CR1: variants seen among roughly 807,000 people sequenced by gnomAD.
CR1 encodes complement C3b/C4b receptor 1 (Knops blood group), also known as complement receptor type 1.
In CR1, 116 loss-of-function variants were observed where a neutral mutation model predicts 187.3. The observed-to-expected ratio is 0.62, with a 90% CI of 0.53 to 0.72. CR1 has a LOEUF of 0.72. Among genes scored for constraint, CR1 ranks in the 30% least tolerant of loss-of-function variants. The probability of loss-of-function intolerance (pLI) is 0.00; values close to 1 mark genes in which losing one functional copy is unlikely to be tolerated. For missense variants in CR1, 1,731 were observed against 2,110.7 expected (o/e 0.82, Z 3.52); for synonymous variants, 576 against 747.1 (o/e 0.77, Z 3.73).
At chr1:207,524,591 T>C (rs111501453) in intron 5 of CR1, among the ~76,000 whole-genome samples, 5,199 of 152,084 alleles carry the variant, frequency 0.034, 362 homozygotes, top group African/African-American at 0.12. Flanking sequence ...TCTCACCATG[T>C]TGCCCAGGCT....
At chr1:207,511,964 A>G (rs1252816609) in intron 4 of CR1, among the ~76,000 whole-genome samples, 2 of 152,216 alleles carry the variant, frequency 1.3e-5, no homozygotes, top group Non-Finnish European at 2.9e-5. Context: ...CTTGCTTGGC[A>G]AATCAGTAAA....
intron 31 of CR1, 75 bp from the exon 32 acceptor site, chr1:207,581,843 G>A: frequency 2.1e-6 from 2 of 968,306 alleles, no homozygotes; most frequent in East Asian, 2.5e-5. Context: ...AATTCTCAGG[G>A]AGGAGGTTGA....
chr1:207,588,687 GA>G lies in CR1; in HGVS notation c.5724del (p.Pro1909LeufsTer12). Reference sequence around the variant, plus strand: ...CTTCTTCCCCTAGGAAAATCATGTGGACCTCCACCAGAACCCTTCAATGGAA... The same window carrying G: ...CTTCTTCCCCTAGGAAAATCATGTGGCCTCCACCAGAACCCTTCAATGGAA... ...VEDNCRRKSC[G>X]PPPEPFNGMV... On this transcript the variant is annotated frameshift_variant, in exon 35 of 47. Transcript: ENST00000367049. LOFTEE classifies it high-confidence loss of function. The G allele has an allele frequency of 6.2e-7, 1 of 1,611,976 alleles. No individual in the cohort carries two copies. Among genetic ancestry groups the G allele is most frequent in the South Asian group, 1.1e-5 (1 of 90,748 alleles).
At position 207,511,705 on chromosome 1, in the gene CR1, T is replaced by C. The variant is rs553673222; in HGVS notation, c.487+51T>C. ...TCTTTTACCGACACATTCTAATTTT[T>C]CTCTGGAATAATAAAAATCTTAACT... On this transcript the variant is annotated intron_variant, in intron 4 of 46. Transcript: ENST00000367049. 7.8e-6 allele frequency: 12 copies of C among 1,544,272 alleles called. No individual in the cohort carries two copies. In the African/African-American group the frequency reaches 1.4e-4, roughly 18 times the overall value.
chr1:207,624,138 C>A (rs1173079925), intron 45 of CR1, among the ~76,000 whole-genome samples: 1 of 151,800 alleles, frequency 6.6e-6, no homozygotes, highest in East Asian at 1.9e-4. Flanking sequence ...CTTGGCCAGG[C>A]TGGTCTTGAA....
Position 207,580,423 on chromosome 1 carries a change from C to T in CR1, c.5113+7C>T. On this transcript the variant is annotated splice_region_variant and intron_variant, in intron 30 of 46. Coordinates refer to ENST00000367049, the MANE Select transcript of CR1 (RefSeq NM_000651.6). The stretch of plus-strand genomic sequence containing the variant: ...GAAGCCCCGAGATGTGCAGGTGCCT[C>T]AACTCTCTGGCTTCCAGATTTCTCT... 1.2e-6 allele frequency: 2 copies of T among 1,612,744 alleles called. No individual in the cohort carries two copies. Among genetic ancestry groups the T allele is most frequent in the Non-Finnish European group, 1.7e-6 (2 of 1,179,400 alleles).
At chr1:207,613,667 TC>T (rs374216401) in intron 39 of CR1, among the ~76,000 whole-genome samples, 37 of 152,212 alleles carry the variant, frequency 2.4e-4, no homozygotes, top group African/African-American at 7.9e-4. Flanking sequence ...GCACTATGAG[TC>T]TGGAGGGATA....
intron 46 of CR1, 86 bp from the exon 47 acceptor site, chr1:207,639,311 T>C (rs1662909014): frequency 1.6e-6 from 2 of 1,278,164 alleles, no homozygotes; most frequent in South Asian, 2.6e-5. Context: ...GTTTAGAAAA[T>C]ATCCAAAGCT....
At chr1:207,617,914 C>G (rs1003685824) in intron 41 of CR1, among the ~76,000 whole-genome samples, 157 bp from the exon 42 acceptor site, 3 of 152,076 alleles carry the variant, frequency 2.0e-5, no homozygotes, top group African/African-American at 7.2e-5. Flanking sequence ...GAGAACCCGT[C>G]TTTCACTGAT....
intron 43 of CR1, among the ~76,000 whole-genome samples, chr1:207,621,657 C>A (rs1662317146): frequency 6.6e-6 from 1 of 152,042 alleles, no homozygotes; most frequent in Non-Finnish European, 1.5e-5. Flanking sequence ...TATGTGAAAA[C>A]ACACATATAA....
intron 46 of CR1, among the ~76,000 whole-genome samples, chr1:207,634,183 G>C (rs939523621): frequency 3.9e-5 from 6 of 152,072 alleles, no homozygotes; most frequent in African/African-American, 1.4e-4. Context: ...GCTTGGCTTG[G>C]GTTCAGAGGC....
intron 4 of CR1, among the ~76,000 whole-genome samples, chr1:207,514,980 CAT>C (rs71570062): frequency 0.024 from 3,105 of 129,236 alleles, 70 homozygotes; most frequent in Admixed American, 0.042. Context: ...TGAAGTATAA[CAT>C]ATATATATAT....
rs1323561044 is a variant in CR1, at chr1:207,523,865, T to C, written c.742T>C (p.Leu248=). ...CTPPNVENGI[L]VSDNRSLFSL... The stretch of plus-strand genomic sequence containing the variant: ...GCCTCCAAATGTGGAAAATGGAATA[T>C]TGGTATCTGACAACAGAAGCTTATT... The change falls in exon 5 of 47, where the codon TTG becomes CTG. Residue 248 remains leucine (L), a synonymous_variant. Transcript: ENST00000367049. 1 of 1,610,514 alleles carries C rather than the reference T, an allele frequency of 6.2e-7. No individual in the cohort carries two copies. The highest frequency in any genetic ancestry group is 2.2e-5 in the East Asian group (1 of 44,868).
intron 46 of CR1, among the ~76,000 whole-genome samples, chr1:207,637,527 G>A (rs927409454): frequency 8.5e-5 from 13 of 152,168 alleles, no homozygotes; most frequent in Non-Finnish European, 1.6e-4. Context: ...GTGACATCCC[G>A]CTTACCATGT....
intron 35 of CR1, 112 bp from the exon 36 acceptor site, chr1:207,607,139 C>T (rs943961209): frequency 3.9e-6 from 3 of 764,730 alleles, no homozygotes; most frequent in Non-Finnish European, 6.7e-6. Context: ...CGAGGTCTGC[C>T]ATGGTGTAAT....
Position 207,627,055 on chromosome 1 carries a change from A to T in CR1, c.7353-3462A>T, listed in dbSNP as rs574966950. On this transcript the variant is annotated intron_variant, in intron 45 of 46. Coordinates refer to ENST00000367049, the MANE Select transcript of CR1 (RefSeq NM_000651.6). ...CTCCATCTGAAAAACATAAATAAAT[A>T]AATTAAATAAAATAAAACAAGAAAA... 3.7e-3 allele frequency among the ~76,000 whole-genome samples: 560 copies of T among 152,170 alleles called. 1 individual carries two copies. The highest frequency in any genetic ancestry group is 6.4e-3 in the Non-Finnish European group (437 of 67,992).
intron 33 of CR1, among the ~76,000 whole-genome samples, chr1:207,585,970 C>G (rs1352428137): frequency 6.6e-6 from 1 of 151,924 alleles, no homozygotes; most frequent in East Asian, 1.9e-4. Flanking sequence ...GCTCCTAACT[C>G]TACAAAAAAT....
At chr1:207,511,751 G>C (rs115667262) in intron 4 of CR1, 97 bp downstream of exon 4, 1 of 1,205,604 alleles carries the variant, frequency 8.3e-7, no homozygotes, top group Non-Finnish European at 1.2e-6. Context: ...TGTGCAATCT[G>C]TCCTTCACAC....
chr1:207,508,912 A>G lies in CR1; in HGVS notation c.401+2099A>G, dbSNP rs150832133. On this transcript the variant is annotated intron_variant, in intron 3 of 46. Coordinates refer to ENST00000367049, the MANE Select transcript of CR1 (RefSeq NM_000651.6). ...TGCTAAAATTTCTCTGTCTCTGCCT[A>G]TGTAAGTGATACCTTATGTCCTCCA... Among the ~76,000 whole-genome samples the G allele has an allele frequency of 4.0e-3, 603 of 152,316 alleles. 3 individuals are homozygous for G. The highest frequency in any genetic ancestry group is 0.01 in the Middle Eastern group (3 of 292).
Sources: allele counts gnomAD v4.1 joint callset (sites outside exome capture counted in the v4.1 genomes callset), GRCh38; gene constraint gnomAD v4.1.1; transcripts MANE v1.5; gene names NCBI Gene and HGNC (gene_info 2026-07-23, HGNC 2026-07-21).